Variants in AKAP12 observed in about 807,000 individuals in gnomAD.
The protein encoded by AKAP12 is A-kinase anchor protein 12.
AKAP12 carries 32 observed loss-of-function variants against 79.9 expected under a neutral mutation model. The ratio of observed to expected loss-of-function variants is 0.40; its 90% confidence interval spans 0.30 to 0.54. The LOEUF is 0.54. Among genes scored for constraint, AKAP12 ranks in the 20% least tolerant of loss-of-function variants. AKAP12 has a pLI of 0.48. For synonymous variants in AKAP12, 808 were observed against 857.0 expected (o/e 0.94, Z 1.00); for missense variants, 2,074 against 2,177.0 (o/e 0.95, Z 0.94).
rs757508181 is a variant in AKAP12 at position 151,349,960 on chromosome 6, T to G, written c.1569T>G (p.Thr523=). The change falls in exon 4 of 5, where the codon ACT becomes ACG. Residue 523 remains threonine, a synonymous_variant. Coordinates refer to ENST00000402676, the MANE Select transcript of AKAP12 (RefSeq NM_005100.4). ...CACTAAAGAAGCTTTTTACCAGCAC[T>G]GGCTTAAAAAAGCTTTCTGGAAAGA... ...GSPLKKLFTS[T]GLKKLSGKKQ... 1.2e-6 allele frequency: 2 copies of G among 1,613,874 alleles called. No homozygotes were observed. The highest frequency in any genetic ancestry group is 1.7e-6 in the Non-Finnish European group (2 of 1,179,968).
At chr6:151,249,736 T>C (rs1414386241) in intron 2 of AKAP12, among the ~76,000 whole-genome samples, 3 of 152,292 alleles carry the variant, frequency 2.0e-5, no homozygotes, top group African/African-American at 7.2e-5. Context: ...AACCTGTTTA[T>C]TGATTTCCTT....
chr6:151,312,365 T>C (rs1180723060), intron 3 of AKAP12, among the ~76,000 whole-genome samples: 2 of 151,828 alleles, frequency 1.3e-5, no homozygotes, highest in African/African-American at 4.8e-5. Context: ...CCTAGTTGCT[T>C]GGGAGGCTAA....
chr6:151,276,618 G>A (rs80277612), intron 2 of AKAP12, among the ~76,000 whole-genome samples: 2,206 of 152,334 alleles, frequency 0.014, 24 homozygotes, highest in Middle Eastern at 0.054. Flanking sequence ...CCCAGTGGAC[G>A]GAGCCTCCCT....
chr6:151,339,913 A>G (rs778229985), intron 3 of AKAP12, among the ~76,000 whole-genome samples: 2 of 151,662 alleles, frequency 1.3e-5, no homozygotes, highest in Non-Finnish European at 2.9e-5. Context: ...TCATGGCCTG[A>G]TAACTAATTT....
In AKAP12 at chr6:151,331,222, G is replaced by A. The variant is rs189862549; in HGVS notation, c.320-17489G>A. Among the ~76,000 whole-genome samples, 122 of 137,276 alleles carry A rather than the reference G, an allele frequency of 8.9e-4. 1 individual carries two copies. Among genetic ancestry groups the A allele is most frequent in the Non-Finnish European group, 1.2e-3 (82 of 66,500 alleles). The allele number at this position is 137,276 out of a possible 152,430, so 90.1% of individuals were successfully genotyped here. A position where few individuals can be genotyped will look rare whatever the true frequency, so the allele number is the denominator to read the frequency against. On this transcript the variant is annotated intron_variant, in intron 3 of 4. Coordinates refer to ENST00000402676, the MANE Select transcript of AKAP12 (RefSeq NM_005100.4). Reference sequence around the variant, plus strand: ...TATATTTTCACATTTATTTGACTCCGTTAATATTCCATAGGACTTTTTTTT... The same window carrying A: ...TATATTTTCACATTTATTTGACTCCATTAATATTCCATAGGACTTTTTTTT...
chr6:151,325,708 C>G (rs1485979620), intron 3 of AKAP12: 1 of 1,474,888 alleles, frequency 6.8e-7, no homozygotes, highest in Non-Finnish European at 9.0e-7. Flanking sequence ...AGGGCACCTC[C>G]GGTTCTCCCC....
chr6:151,341,509 G>A (rs1777946043), intron 3 of AKAP12, among the ~76,000 whole-genome samples: 1 of 152,202 alleles, frequency 6.6e-6, no homozygotes, highest in African/African-American at 2.4e-5. Context: ...GGGAGGTCGA[G>A]GGCTGGCGCC....
chr6:151,328,364 C>A (rs529740035), intron 3 of AKAP12, among the ~76,000 whole-genome samples: 11 of 144,956 alleles, frequency 7.6e-5, no homozygotes, highest in African/African-American at 2.6e-4. Context: ...GGTGGCCGGG[C>A]GCGGCGGCTC....
intron 3 of AKAP12, 31 bp from the exon 4 acceptor site, chr6:151,348,680 T>TTGGGGGG: frequency 1.0e-4 from 36 of 355,190 alleles, no homozygotes; most frequent in East Asian, 3.5e-4. Flanking sequence ...TTTTCTCTTC[T>TTGGGGGG]CCCCACCCCC....
At chr6:151,263,290 C>T (rs1057216609) in intron 2 of AKAP12, among the ~76,000 whole-genome samples, 6 of 152,038 alleles carry the variant, frequency 3.9e-5, no homozygotes, top group African/African-American at 1.4e-4. Context: ...CTGCCTTGGC[C>T]TCCCAAAATG....
At chr6:151,342,399 G>T (rs887274159) in intron 3 of AKAP12, among the ~76,000 whole-genome samples, 3 of 152,176 alleles carry the variant, frequency 2.0e-5, no homozygotes, top group African/African-American at 7.2e-5. Context: ...AGACTAGGTA[G>T]GTTAGAAGAC....
chr6:151,348,414 G>GTT (rs1778169430), intron 3 of AKAP12: 1 of 525,006 alleles, frequency 1.9e-6, no homozygotes. Flanking sequence ...TGAGACAGGA[G>GTT]GGTCACTTGA....
chr6:151,274,716 A>T (rs1449552896), intron 2 of AKAP12, among the ~76,000 whole-genome samples: 10 of 152,230 alleles, frequency 6.6e-5, no homozygotes, highest in Admixed American at 6.5e-4. Context: ...AGTTGGGGGC[A>T]TCTCACAATT....
intron 3 of AKAP12, among the ~76,000 whole-genome samples, chr6:151,308,135 A>T (rs890569130): frequency 1.3e-5 from 2 of 152,110 alleles, no homozygotes; most frequent in Admixed American, 1.3e-4. Context: ...TCAGTCCCCC[A>T]AAGTGGTGGG....
At chr6:151,276,057 T>C (rs1776286433) in intron 2 of AKAP12, among the ~76,000 whole-genome samples, 1 of 152,250 alleles carries the variant, frequency 6.6e-6, no homozygotes, top group Non-Finnish European at 1.5e-5. Flanking sequence ...TGCCTTGGTC[T>C]AACAGTTGTT....
intron 3 of AKAP12, among the ~76,000 whole-genome samples, chr6:151,315,822 C>T (rs575358918): frequency 1.4e-3 from 205 of 151,496 alleles, no homozygotes; most frequent in African/African-American, 4.1e-3. Flanking sequence ...ACAATAATGG[C>T]GGAAGGGGAA....
Position 151,348,755 on chromosome 6 carries a change from A to G in AKAP12, c.364A>G (p.Lys122Glu), listed in dbSNP as rs1414167768. ...SEDVSKRDSD[K>E]EMATKSAVVH... The stretch of plus-strand genomic sequence containing the variant: ...AGATGTGAGCAAAAGAGACTCCGAT[A>G]AAGAGATGGCTACTAAGTCAGCGGT... Residue 122 changes from lysine to glutamate, a missense_variant, in exon 4 of 5, where the codon AAA becomes GAA. Lys to Glu is a moderately conservative substitution (Grantham distance 56, BLOSUM62 1). Transcript: ENST00000402676. 6.4e-7 allele frequency: 1 copy of G among 1,562,636 alleles called. No individual in the cohort carries two copies.
At chr6:151,250,355 C>T (rs987669301) in intron 2 of AKAP12, among the ~76,000 whole-genome samples, 5 of 151,686 alleles carry the variant, frequency 3.3e-5, no homozygotes, top group South Asian at 2.1e-4. Flanking sequence ...AAAAGTTAGC[C>T]GGGTGTGGTG....
intron 3 of AKAP12, 98 bp from the exon 4 acceptor site, chr6:151,348,613 G>A (rs960533827): frequency 4.7e-5 from 42 of 893,722 alleles, no homozygotes; most frequent in African/African-American, 4.6e-4. Context: ...CCCTCCAGCC[G>A]GGGCAAGAGA....
Sources: allele counts gnomAD v4.1 joint callset (sites outside exome capture counted in the v4.1 genomes callset), GRCh38; gene constraint gnomAD v4.1.1; transcripts MANE v1.5; gene names NCBI Gene and HGNC (gene_info 2026-07-23, HGNC 2026-07-21).